Variants in CD209 observed in about 807,000 individuals in gnomAD.
CD209 encodes the protein CD209 antigen.
A neutral mutation model predicts 44.7 loss-of-function variants in CD209; 31 were observed. The observed-to-expected ratio is 0.69, with a 90% CI of 0.52 to 0.94. CD209 has a LOEUF of 0.94. Ranked by LOEUF, CD209 falls within the 40% of genes least tolerant of loss-of-function variation. The probability of loss-of-function intolerance (pLI) is 0.00; values close to 1 mark genes in which losing one functional copy is unlikely to be tolerated. For missense variants in CD209, 407 were observed against 452.4 expected (o/e 0.90, Z 0.91); for synonymous variants, 173 against 181.3 (o/e 0.95, Z 0.37).
In CD209 at chr19:7,743,233, G is replaced by T. The variant is rs532110467; in HGVS notation, c.1021C>A (p.Gln341Lys). 1 of 1,613,652 alleles carries T rather than the reference G, an allele frequency of 6.2e-7. No homozygotes were observed. The highest frequency in any genetic ancestry group is 2.2e-5 in the East Asian group (1 of 44,892). The change falls in exon 7 of 7, where the codon CAG becomes AAG. Residue 341 changes from glutamine (Q) to lysine (K), a missense_variant. Transcript: ENST00000315599. ...DGSPLLPSFK[Q>K]YWNRGEPNNV... ...TTGGGCTCTCCTCTGTTCCAATACT[G>T]CTTGAAGCTGCAAAGCCCATGCGGA...
At chr19:7,743,336 G>T in intron 6 of CD209, 96 bp from the exon 7 acceptor site, 1 of 1,050,376 alleles carries the variant, frequency 9.5e-7, no homozygotes, top group Non-Finnish European at 1.5e-6. Context: ...CATCTGCCCT[G>T]CGTGTGTATG....
chr19:7,740,645 G>A lies in CD209; in HGVS notation c.*2394C>T, dbSNP rs2033581527. 1 of 781,912 alleles carries A rather than the reference G, an allele frequency of 1.3e-6. No homozygotes were observed. Among genetic ancestry groups the A allele is most frequent in the African/African-American group, 1.7e-5 (1 of 59,024 alleles). The allele number at this position is 781,912 out of a possible 1,614,324, so 48.4% of individuals were successfully genotyped here. On this transcript the variant is annotated 3_prime_UTR_variant, in exon 7 of 7. Coordinates refer to ENST00000315599, the MANE Select transcript of CD209 (RefSeq NM_021155.4). ...AACTAGAAAAGCTATGGGGAAGAGA[G>A]AGGCAAAGATTACATGAGGAGTGGT...
Position 7,745,814 on chromosome 19 carries a change from G to A in CD209, c.452C>T (p.Thr151Ile). Residue 151 changes from threonine to isoleucine, a missense_variant, in exon 4 of 7, where the codon ACC becomes ATC. Physicochemically the swap from Thr to Ile is moderately conservative, Grantham distance 89. Around this residue, in one of 3 missense-constraint regions of CD209, gnomAD observed 85 missense variants for 139.9 expected, o/e 0.61. Coordinates refer to ENST00000315599, the MANE Select transcript of CD209 (RefSeq NM_021155.4). ...CTCACCCACTGCAGCCTTCAGCCAG[G>A]TCAGCTCCTGGTAGATCTCCTGCAG... Reference protein sequence around the residue: ...SKLQEIYQELTWLKAAVGELP... With the variant: ...SKLQEIYQELIWLKAAVGELP... 1 of 1,608,800 alleles carries A rather than the reference G, an allele frequency of 6.2e-7. No homozygotes were observed. The highest frequency in any genetic ancestry group is 8.5e-7 in the Non-Finnish European group (1 of 1,179,710).
chr19:7,745,579 A>C lies in CD209; in HGVS notation c.687T>G (p.Leu229=). ...TCTCCTGCTGCTTAGATTTCTCTGG[A>C]AGCTCACCCACTGCAGCCTTCAGCC... ...LTRLKAAVGE[L]PEKSKQQEIY... The change falls in exon 4 of 7, where the codon CTT becomes CTG. Residue 229 remains leucine (L), a synonymous_variant. Transcript: ENST00000315599. The C allele has an allele frequency of 6.2e-7, 1 of 1,604,072 alleles. No individual in the cohort carries two copies.
rs376393724 is a variant in CD209 at position 7,743,255 on chromosome 19, C to A, written c.1014-15G>T. The A allele has an allele frequency of 1.5e-5, 24 of 1,609,976 alleles. No homozygotes were observed. In the African/African-American group the frequency reaches 1.6e-4, roughly 11 times the overall value. On this transcript the variant is annotated splice_polypyrimidine_tract_variant and intron_variant, in intron 6 of 6. Transcript: ENST00000315599. ...ACTGCTTGAAGCTGCAAAGCCCATG[C>A]GGAATGTGAGCCTCTGTCCCCGCCA...
At position 7,745,746 on chromosome 19, in the gene CD209, T is replaced by G. The variant is rs571291609; in HGVS notation, c.520A>C (p.Thr174Pro). ...TCACCCACTGCAGCCTTCAGCCGAG[T>G]CAGCTCCTGGTAGATCTCCTGCATC... ...SKMQEIYQELTRLKAAVGELP... is the reference protein window; with the variant it reads ...SKMQEIYQELPRLKAAVGELP... The change falls in exon 4 of 7, where the codon ACT becomes CCT. Residue 174 changes from threonine to proline, a missense_variant. By Grantham distance (38) the Thr-to-Pro change is conservative. This residue lies in a region of CD209 where 85 missense variants were observed against 139.9 expected (regional missense o/e 0.61). Transcript: ENST00000315599. The G allele has an allele frequency of 1.2e-6, 2 of 1,604,220 alleles. No homozygotes were observed. The highest frequency in any genetic ancestry group is 2.2e-5 in the South Asian group (2 of 90,914).
rs762213375 is a variant in CD209 at position 7,746,021 on chromosome 19, G to A, written c.245C>T (p.Thr82Ile). The A allele has an allele frequency of 9.9e-6, 16 of 1,614,144 alleles. No individual in the cohort carries two copies. Among genetic ancestry groups the A allele is most frequent in the Non-Finnish European group, 1.4e-5 (16 of 1,180,052 alleles). ...CTCACCCACTGCAGCTTTAAGCTGG[G>A]TCAGGTTCTGGTAGATCGCGTCTTG... ...SRQDAIYQNL[T>I]QLKAAVGELS... The change falls in exon 4 of 7, where the codon ACC becomes ATC. Residue 82 changes from threonine (T) to isoleucine (I), a missense_variant. Around this residue, in one of 3 missense-constraint regions of CD209, gnomAD observed 122 missense variants for 110.3 expected, o/e 1.11. Coordinates refer to ENST00000315599, the MANE Select transcript of CD209 (RefSeq NM_021155.4).
chr19:7,740,954 G>C lies in CD209; in HGVS notation c.*2085C>G. 3 of 715,370 alleles carry C rather than the reference G, an allele frequency of 4.2e-6. No individual in the cohort carries two copies. In the South Asian group the frequency reaches 4.6e-5, roughly 11 times the overall value. The allele number at this position is 715,370 out of a possible 1,614,324, so 44.3% of individuals were successfully genotyped here. On this transcript the variant is annotated 3_prime_UTR_variant, in exon 7 of 7. Coordinates refer to ENST00000315599, the MANE Select transcript of CD209 (RefSeq NM_021155.4). ...GTCATGGAGAAGGATGGAGTTAATT[G>C]TCCCTTCTACAGTAAAACAGGAGCT...
rs2033755015 is a variant in CD209 at position 7,744,996 on chromosome 19, G to A, written c.845C>T (p.Thr282Ile). The change falls in exon 5 of 7, where the codon ACC becomes ATC. Residue 282 changes from threonine (T) to isoleucine (I), a missense_variant. Thr to Ile is a moderately conservative substitution (Grantham distance 89, BLOSUM62 -1). Coordinates refer to ENST00000315599, the MANE Select transcript of CD209 (RefSeq NM_021155.4). Reference sequence around the variant, plus strand: ...CTGGGCCCCCACTTCTTTGCAGGCGGTGATGGAGTCGTGCCAGTTCCGCTG... The same window carrying A: ...CTGGGCCCCCACTTCTTTGCAGGCGATGATGGAGTCGTGCCAGTTCCGCTG... ...NSQRNWHDSI[T>I]ACKEVGAQLV... The A allele has an allele frequency of 6.2e-7, 1 of 1,614,244 alleles. No individual in the cohort carries two copies. Among genetic ancestry groups the A allele is most frequent in the Non-Finnish European group, 8.5e-7 (1 of 1,180,042 alleles).
Position 7,740,602 on chromosome 19 carries a change from CT to C in CD209, c.*2436del. ...GGACTCTCACAGAAAGAGGAGGACA[CT>C]TTTATTGAAAAACAACAACTAGAAA... On this transcript the variant is annotated 3_prime_UTR_variant, in exon 7 of 7. Coordinates refer to ENST00000315599, the MANE Select transcript of CD209 (RefSeq NM_021155.4). 1.2e-6 allele frequency: 1 copy of C among 816,816 alleles called. No individual in the cohort carries two copies. Among genetic ancestry groups the C allele is most frequent in the Non-Finnish European group, 2.2e-6 (1 of 454,876 alleles). The allele number at this position is 816,816 out of a possible 1,614,324, so 50.6% of individuals were successfully genotyped here.
In CD209 at chr19:7,744,205, C is replaced by T. The variant is rs1703497405; in HGVS notation, c.915G>A (p.Leu305=). The T allele has an allele frequency of 1.2e-6, 2 of 1,613,538 alleles. No homozygotes were observed. The highest frequency in any genetic ancestry group is 2.2e-5 in the East Asian group (1 of 44,884). Residue 305 remains leucine, a synonymous_variant, in exon 6 of 7, where the codon CTG becomes CTA. Coordinates refer to ENST00000315599, the MANE Select transcript of CD209 (RefSeq NM_021155.4). Reference sequence around the variant, plus strand: ...TGAAGCGGTTACTTCTGGAAGACTGCAGCTGTAGGAAGTTCTGGAGGGTAC... The same window carrying T: ...TGAAGCGGTTACTTCTGGAAGACTGTAGCTGTAGGAAGTTCTGGAGGGTAC... ...KSAEEQNFLQ[L]QSSRSNRFTW...
chr19:7,741,243 G>T lies in CD209; in HGVS notation c.*1796C>A. ...TCCCAGCACTTTGGGAGGACGCGGCGGGCGAATCACGAGGTCAAGAGATCG... is the reference window on the plus strand; with the variant it reads ...TCCCAGCACTTTGGGAGGACGCGGCTGGCGAATCACGAGGTCAAGAGATCG... On this transcript the variant is annotated 3_prime_UTR_variant, in exon 7 of 7. Transcript: ENST00000315599. The T allele has an allele frequency of 2.0e-6, 1 of 508,300 alleles. No homozygotes were observed. The highest frequency in any genetic ancestry group is 3.5e-6 in the Non-Finnish European group (1 of 282,166). 31.5% of individuals were successfully genotyped at this position (508,300 alleles called of 1,614,324 possible).
intron 2 of CD209, 123 bp downstream of exon 2, chr19:7,747,183 A>T: frequency 1.0e-6 from 1 of 969,658 alleles, no homozygotes; most frequent in Non-Finnish European, 1.6e-6. Flanking sequence ...AGGTCCCAGG[A>T]GTCCAGGCCC....
At chr19:7,746,108 A>T in intron 3 of CD209, 21 bp from the exon 4 acceptor site, 1 of 1,612,956 alleles carries the variant, frequency 6.2e-7, no homozygotes, top group Non-Finnish European at 8.5e-7. Flanking sequence ...AAAAAAAAGG[A>T]ACTGCAATTA....
In CD209 at chr19:7,740,279, T is replaced by C. The variant is rs188180193; in HGVS notation, c.*2760A>G. ...TAGGTTCCACGTGGATTTGCACGCT[T>C]CGTTCATCTGGACATGCCCAGGGTA... On this transcript the variant is annotated 3_prime_UTR_variant, in exon 7 of 7. Transcript: ENST00000315599. 1 of 445,662 alleles carries C rather than the reference T, an allele frequency of 2.2e-6. No individual in the cohort carries two copies. Among genetic ancestry groups the C allele is most frequent in the Admixed American group, 3.8e-5 (1 of 26,208 alleles). 27.6% of individuals were successfully genotyped at this position (445,662 alleles called of 1,614,324 possible).
At chr19:7,746,645 C>T in intron 2 of CD209, 114 bp from the exon 3 acceptor site, 1 of 1,023,884 alleles carries the variant, frequency 9.8e-7, no homozygotes. Flanking sequence ...GCCCCAGCCC[C>T]CTCCACTCCA....
At chr19:7,743,953 A>G (rs552359512) in intron 6 of CD209, among the ~76,000 whole-genome samples, 154 bp downstream of exon 6, 14 of 152,236 alleles carry the variant, frequency 9.2e-5, no homozygotes, top group African/African-American at 3.4e-4. Flanking sequence ...TGCTGTCTGG[A>G]AGTGGGTATG....
chr19:7,743,108 G>C lies in CD209; in HGVS notation c.1146C>G (p.Ala382=). 6.2e-7 allele frequency: 1 copy of C among 1,614,214 alleles called. No homozygotes were observed. The highest frequency in any genetic ancestry group is 1.6e-4 in the Middle Eastern group (1 of 6,062). ...AKFWICKKSA[A]SCSRDEEQFL... ...ACTGTTCTTCATCCCTGGAGCAGGAGGCTGCGGACTTTTTGCAGATCCAGA... is the reference window on the plus strand; with the variant it reads ...ACTGTTCTTCATCCCTGGAGCAGGACGCTGCGGACTTTTTGCAGATCCAGA... The change falls in exon 7 of 7, where the codon GCC becomes GCG. Residue 382 remains alanine, a synonymous_variant. Coordinates refer to ENST00000315599, the MANE Select transcript of CD209 (RefSeq NM_021155.4).
chr19:7,740,765 G>C lies in CD209; in HGVS notation c.*2274C>G, dbSNP rs1300054019. 6 of 762,742 alleles carry C rather than the reference G, an allele frequency of 7.9e-6. No individual in the cohort carries two copies. Among genetic ancestry groups the C allele is most frequent in the Non-Finnish European group, 1.5e-5 (6 of 407,888 alleles). The allele number at this position is 762,742 out of a possible 1,614,324, so 47.2% of individuals were successfully genotyped here. A position where few individuals can be genotyped will look rare whatever the true frequency, so the allele number is the denominator to read the frequency against. The stretch of plus-strand genomic sequence containing the variant: ...GGCAAGAACAAGAGCGAAAGTTAAA[G>C]GAACAATGGGAAGAACAGCAGAGGA... On this transcript the variant is annotated 3_prime_UTR_variant, in exon 7 of 7. Coordinates refer to ENST00000315599, the MANE Select transcript of CD209 (RefSeq NM_021155.4).
Sources: gnomAD v4.1 joint callset for allele counts (sites outside exome capture counted in the v4.1 genomes callset) on GRCh38, gnomAD v4.1.1 for gene constraint, gnomAD v4.1.1 regional missense constraint, MANE v1.5 for transcripts, NCBI Gene and HGNC (gene_info 2026-07-23, HGNC 2026-07-21) for gene names.